The following IRF5 variants were observed in gnomAD, a reference collection of about 807,000 sequenced individuals.
IRF5 encodes the protein interferon regulatory factor 5.
Under a neutral mutation model 55.1 loss-of-function variants are expected in IRF5, and 24 were observed. The ratio of observed to expected loss-of-function variants is 0.44; its 90% CI spans 0.32 to 0.61. IRF5 has a LOEUF of 0.61. Among genes scored for constraint, IRF5 ranks in the 20% least tolerant of loss-of-function variants. The pLI, the probability that IRF5 is intolerant of heterozygous loss-of-function variation, is 0.07. For synonymous variants in IRF5, 258 were observed against 260.2 expected, an observed-to-expected ratio of 0.99 and a Z score of 0.08; for missense variants, 499 against 658.5, an observed-to-expected ratio of 0.76 and a Z score of 2.65.
At position 128,943,023 on chromosome 7, in the gene IRF5, A is replaced by ATTTTTTTTTTTTTTTTT. The variant is rs34539872; in HGVS notation, c.195+759_195+775dup. On this transcript the variant is annotated intron_variant, in intron 2 of 8. Coordinates refer to ENST00000357234, the MANE Select transcript of IRF5 (RefSeq NM_001098629.3). ...GCCTCACACTGTTGACCAGATTCCA[A>ATTTTTTTTTTTTTTTTT]TTTTTTTTTTTTTTTTTTTTTTTTT... is the stretch of plus-strand genomic sequence containing the variant. 2 of 86,902 alleles carry ATTTTTTTTTTTTTTTTT rather than the reference A, an allele frequency of 2.3e-5. 1 individual carries two copies. Among genetic ancestry groups the ATTTTTTTTTTTTTTTTT allele is most frequent in the African/African-American group, 1.1e-4 (2 of 18,320 alleles). 5.4% of individuals were successfully genotyped at this position (86,902 alleles called of 1,614,324 possible). A position where few individuals can be genotyped will look rare whatever the true frequency, so the allele number is the denominator to read the frequency against.
In IRF5 at chr7:128,948,786, C is replaced by A; in HGVS notation, c.1513C>A (p.Pro505Thr). 6.2e-7 allele frequency: 1 copy of A among 1,607,768 alleles called. No individual in the cohort carries two copies. The highest frequency in any genetic ancestry group is 2.2e-5 in the East Asian group (1 of 44,880). ...PGAGLGVGQG[P>T]WPMHPAGMQ is the part of the protein sequence containing the mutation. ...AGCAGGCCTTGGTGTTGGCCAGGGG[C>A]CCTGGCCTATGCACCCAGCTGGCAT... Residue 505 changes from proline to threonine, a missense_variant, in exon 9 of 9, where the codon CCC becomes ACC. Coordinates refer to ENST00000357234, the MANE Select transcript of IRF5 (RefSeq NM_001098629.3). The surrounding 1 kb of genome is among the most constrained non-coding windows in gnomAD (Gnocchi z 4.6).
Position 128,947,312 on chromosome 7 carries a change from CACTCTGCGGCCGCCT to C in IRF5, c.572_586del (p.Arg191_Leu195del), listed in dbSNP as rs745610149. On this transcript the variant is annotated inframe_deletion, in exon 6 of 9. Transcript: ENST00000357234. This position sits in a 1 kb window ranked among gnomAD's most constrained non-coding sequence, Gnocchi z 6.5. ...AGTGGCCGCCCACTCTGCAGCCGCC[CACTCTGCGGCCGCCT>C]ACTCTGCAGCCGCCCACTCTGCAGC... The C allele has an allele frequency of 2.3e-4, 94 of 414,114 alleles. 1 individual carries two copies. Among genetic ancestry groups the C allele is most frequent in the Middle Eastern group, 1.2e-3 (2 of 1,602 alleles). 25.7% of individuals were successfully genotyped at this position (414,114 alleles called of 1,614,324 possible).
rs760492792 is a variant in IRF5 at position 128,942,112 on chromosome 7, C to T, written c.31C>T (p.Pro11Ser). 2 of 1,611,144 alleles carry T rather than the reference C, an allele frequency of 1.2e-6. No homozygotes were observed. The highest frequency in any genetic ancestry group is 4.5e-5 in the East Asian group (2 of 44,856). Residue 11 changes from proline (P) to serine (S), a missense_variant, in exon 2 of 9, where the codon CCA (proline) becomes TCA (serine). This residue lies in a region of IRF5 where 305 missense variants were observed against 340.2 expected (regional missense o/e 0.90). Transcript: ENST00000357234. ...CCAGTCCATCCCAGTGGCTCCCACC[C>T]CACCCCGCCGCGTGCGGCTGAAGCC... The part of the protein sequence containing the change: MNQSIPVAPT[P>S]PRRVRLKPWL...
At position 128,946,744 on chromosome 7, in the gene IRF5, A is replaced by C. The variant is rs1372566108; in HGVS notation, c.447+182A>C. 2 of 634,842 alleles carry C rather than the reference A, an allele frequency of 3.2e-6. No individual in the cohort carries two copies. Among genetic ancestry groups the C allele is most frequent in the Non-Finnish European group, 5.6e-6 (2 of 356,668 alleles). 39.3% of individuals were successfully genotyped at this position (634,842 alleles called of 1,614,324 possible). A position where few individuals can be genotyped will look rare whatever the true frequency, so the allele number is the denominator to read the frequency against. ...GTCCCCACCTGCTCCTTCCCAGGGC[A>C]TTGTCATTACCCTGTGTGTGTGACC... On this transcript the variant is annotated intron_variant, in intron 4 of 8. Coordinates refer to ENST00000357234, the MANE Select transcript of IRF5 (RefSeq NM_001098629.3). This position sits in a 1 kb window ranked among gnomAD's most constrained non-coding sequence, Gnocchi z 4.2.
rs374100066 is a variant in IRF5, at chr7:128,942,115, C to T, written c.34C>T (p.Pro12Ser). Residue 12 changes from proline (P) to serine (S), a missense_variant, in exon 2 of 9, where the codon CCC becomes TCC. Pro to Ser is a moderately conservative substitution (Grantham distance 74). Around this residue, in one of 2 missense-constraint regions of IRF5, gnomAD observed 305 missense variants for 340.2 expected, o/e 0.90. Transcript: ENST00000357234. The stretch of plus-strand genomic sequence containing the variant: ...GTCCATCCCAGTGGCTCCCACCCCA[C>T]CCCGCCGCGTGCGGCTGAAGCCCTG... ...NQSIPVAPTP[P>S]RRVRLKPWLV... 1.9e-6 allele frequency: 3 copies of T among 1,611,408 alleles called. No individual in the cohort carries two copies. The highest frequency in any genetic ancestry group is 1.3e-5 in the African/African-American group (1 of 74,900).
At position 128,946,714 on chromosome 7, in the gene IRF5, G is replaced by A; in HGVS notation, c.447+152G>A. The A allele has an allele frequency of 3.0e-6, 2 of 657,686 alleles. No individual in the cohort carries two copies. Among genetic ancestry groups the A allele is most frequent in the South Asian group, 1.8e-5 (1 of 56,230 alleles). 40.7% of individuals were successfully genotyped at this position (657,686 alleles called of 1,614,324 possible). Reference sequence around the variant, plus strand: ...TCTCCTGGGATTCTGAACGATAGGAGCACAGTCCCCACCTGCTCCTTCCCA... The same window carrying A: ...TCTCCTGGGATTCTGAACGATAGGAACACAGTCCCCACCTGCTCCTTCCCA... On this transcript the variant is annotated intron_variant, in intron 4 of 8. Transcript: ENST00000357234. The surrounding 1 kb of genome is among the most constrained non-coding windows in gnomAD (Gnocchi z 4.2).
rs186700712 is a variant in IRF5 at position 128,946,650 on chromosome 7, T to C, written c.447+88T>C. On this transcript the variant is annotated intron_variant, in intron 4 of 8. Transcript: ENST00000357234. This position sits in a 1 kb window ranked among gnomAD's most constrained non-coding sequence, Gnocchi z 4.2. Reference sequence around the variant, plus strand: ...TTAGGTTTCCGCAGCCCCACTCCCATGGAGCCCCGTGGCCCTCTCAATAGT... The same window carrying C: ...TTAGGTTTCCGCAGCCCCACTCCCACGGAGCCCCGTGGCCCTCTCAATAGT... 478 of 836,280 alleles carry C rather than the reference T, an allele frequency of 5.7e-4. 2 individuals carry two copies. In the African/African-American group the frequency reaches 7.6e-3, roughly 13 times the overall value. 51.8% of individuals were successfully genotyped at this position (836,280 alleles called of 1,614,324 possible). A position where few individuals can be genotyped will look rare whatever the true frequency, so the allele number is the denominator to read the frequency against.
chr7:128,948,956 A>C lies in IRF5; in HGVS notation c.*138A>C. The C allele has an allele frequency of 9.3e-7, 1 of 1,070,898 alleles. No individual in the cohort carries two copies. The highest frequency in any genetic ancestry group is 2.7e-5 in the Admixed American group (1 of 36,722). The allele number at this position is 1,070,898 out of a possible 1,614,324, so 66.3% of individuals were successfully genotyped here. A position where few individuals can be genotyped will look rare whatever the true frequency, so the allele number is the denominator to read the frequency against. On this transcript the variant is annotated 3_prime_UTR_variant, in exon 9 of 9. Coordinates refer to ENST00000357234, the MANE Select transcript of IRF5 (RefSeq NM_001098629.3). This position sits in a 1 kb window ranked among gnomAD's most constrained non-coding sequence, Gnocchi z 4.6. ...TTCCTGGAAGTGGATTTGGGCCAAGAAGGAGAGGGAGAAAGGCCCGAGCCC... is the reference window on the plus strand; with the variant it reads ...TTCCTGGAAGTGGATTTGGGCCAAGCAGGAGAGGGAGAAAGGCCCGAGCCC...
chr7:128,942,127 C>A lies in IRF5; in HGVS notation c.46C>A (p.Arg16=), dbSNP rs757578104. ...PVAPTPPRRV[R]LKPWLVAQVN... is the part of the protein sequence containing the mutation. ...GGCTCCCACCCCACCCCGCCGCGTGCGGCTGAAGCCCTGGCTGGTGGCCCA... is the reference window on the plus strand; with the variant it reads ...GGCTCCCACCCCACCCCGCCGCGTGAGGCTGAAGCCCTGGCTGGTGGCCCA... The change falls in exon 2 of 9, where the codon CGG becomes AGG. Residue 16 remains arginine (R), a synonymous_variant. Coordinates refer to ENST00000357234, the MANE Select transcript of IRF5 (RefSeq NM_001098629.3). 2 of 1,612,764 alleles carry A rather than the reference C, an allele frequency of 1.2e-6. No individual in the cohort carries two copies. Among genetic ancestry groups the A allele is most frequent in the Non-Finnish European group, 1.7e-6 (2 of 1,179,608 alleles).
At position 128,948,753 on chromosome 7, in the gene IRF5, C is replaced by T. The variant is rs772876537; in HGVS notation, c.1480C>T (p.Pro494Ser). Residue 494 changes from proline to serine, a missense_variant, in exon 9 of 9, where the codon CCT becomes TCT. Transcript: ENST00000357234. This position sits in a 1 kb window ranked among gnomAD's most constrained non-coding sequence, Gnocchi z 4.6. The part of the protein sequence containing the change: ...QQRLQPVAQA[P>S]PGAGLGVGQG... ...GCGGTTGCAGCCTGTGGCCCAGGCC[C>T]CTCCTGGAGCAGGCCTTGGTGTTGG... The T allele has an allele frequency of 6.2e-7, 1 of 1,612,508 alleles. No individual in the cohort carries two copies. Among genetic ancestry groups the T allele is most frequent in the Non-Finnish European group, 8.5e-7 (1 of 1,180,030 alleles).
At position 128,946,616 on chromosome 7, in the gene IRF5, C is replaced by T. The variant is rs766371118; in HGVS notation, c.447+54C>T. On this transcript the variant is annotated intron_variant, in intron 4 of 8. Transcript: ENST00000357234. The surrounding 1 kb of genome is among the most constrained non-coding windows in gnomAD (Gnocchi z 4.2). ...GCCCTGGACGAGCTCTCTGCTGTCC[C>T]CATCGGCCTTAGGTTTCCGCAGCCC... 1 of 1,254,276 alleles carries T rather than the reference C, an allele frequency of 8.0e-7. No individual in the cohort carries two copies. Among genetic ancestry groups the T allele is most frequent in the Non-Finnish European group, 1.1e-6 (1 of 877,154 alleles). 77.7% of individuals were successfully genotyped at this position (1,254,276 alleles called of 1,614,324 possible). A position where few individuals can be genotyped will look rare whatever the true frequency, so the allele number is the denominator to read the frequency against.
In IRF5 at chr7:128,948,161, C is replaced by T; in HGVS notation, c.1180+40C>T. ...CTGTGATCCTCCTGGCTGCCTCTTG[C>T]CCAGGGCATGGTTCCAGCCTCTGAC... On this transcript the variant is annotated intron_variant, in intron 7 of 8. Transcript: ENST00000357234. This position sits in a 1 kb window ranked among gnomAD's most constrained non-coding sequence, Gnocchi z 4.6. 1 of 1,611,424 alleles carries T rather than the reference C, an allele frequency of 6.2e-7. No homozygotes were observed.
chr7:128,942,132 G>A lies in IRF5; in HGVS notation c.51G>A (p.Leu17=). 1 of 1,613,230 alleles carries A rather than the reference G, an allele frequency of 6.2e-7. No homozygotes were observed. The highest frequency in any genetic ancestry group is 1.1e-5 in the South Asian group (1 of 91,030). Residue 17 remains leucine (L), a synonymous_variant, in exon 2 of 9, where the codon CTG becomes CTA. Coordinates refer to ENST00000357234, the MANE Select transcript of IRF5 (RefSeq NM_001098629.3). ...CCACCCCACCCCGCCGCGTGCGGCT[G>A]AAGCCCTGGCTGGTGGCCCAGGTGA... ...VAPTPPRRVR[L]KPWLVAQVNS...
chr7:128,942,856 A>C lies in IRF5; in HGVS notation c.195+580A>C, dbSNP rs1250776300. 2.0e-4 allele frequency among the ~76,000 whole-genome samples: 30 copies of C among 152,192 alleles called. 1 individual carries two copies. The highest frequency in any genetic ancestry group is 1.5e-5 in the Non-Finnish European group (1 of 68,004). ...CAGTGGTGATTTGATAAGCACAGTG[A>C]TCAGATCAGGTACTTAGCATATCCA... is the stretch of plus-strand genomic sequence containing the variant. On this transcript the variant is annotated intron_variant, in intron 2 of 8. Transcript: ENST00000357234.
In IRF5 at chr7:128,946,106, G is replaced by T. The variant is rs1796287467; in HGVS notation, c.385+72G>T. 10 of 1,427,918 alleles carry T rather than the reference G, an allele frequency of 7.0e-6. No individual in the cohort carries two copies. Among genetic ancestry groups the T allele is most frequent in the Middle Eastern group, 3.8e-4 (2 of 5,224 alleles). The allele number at this position is 1,427,918 out of a possible 1,614,324, so 88.5% of individuals were successfully genotyped here. On this transcript the variant is annotated intron_variant, in intron 3 of 8. Coordinates refer to ENST00000357234, the MANE Select transcript of IRF5 (RefSeq NM_001098629.3). The surrounding 1 kb of genome is among the most constrained non-coding windows in gnomAD (Gnocchi z 4.2). ...TCCTGGCCCCCAGCCATGAGCTCTTGGGTGCAGGCAGGCCAAGGGCCCCTC... is the reference window on the plus strand; with the variant it reads ...TCCTGGCCCCCAGCCATGAGCTCTTTGGTGCAGGCAGGCCAAGGGCCCCTC...
intron 1 of IRF5, chr7:128,940,956 C>T (rs530157144): frequency 2.0e-5 from 3 of 152,570 alleles, no homozygotes; most frequent in African/African-American, 7.2e-5. Flanking sequence ...GAGTTCAGCT[C>T]GAACGTTTGC....
intron 2 of IRF5, 135 bp downstream of exon 2, chr7:128,942,411 C>T (rs1722983666): frequency 2.9e-6 from 2 of 696,460 alleles, no homozygotes; most frequent in East Asian, 2.9e-5. Flanking sequence ...ATGCCGGGCC[C>T]GGACTAAGGG....
chr7:128,937,310 G>C (rs1270164684), upstream of IRF5, among the ~76,000 whole-genome samples: 3 of 152,206 alleles, frequency 2.0e-5, no homozygotes, highest in Non-Finnish European at 1.5e-5. Flanking sequence ...TTATGGAATC[G>C]AAAACGGTTC....
At position 128,942,068 on chromosome 7, in the gene IRF5, C is replaced by T. The variant is rs768089718; in HGVS notation, c.-11-3C>T. The stretch of plus-strand genomic sequence containing the variant: ...GAGGCTCCCCTCTGGCTTTCTCCTG[C>T]AGACCCCTCTGCCATGAACCAGTCC... On this transcript the variant is annotated splice_polypyrimidine_tract_variant and splice_region_variant and intron_variant, in intron 1 of 8. Coordinates refer to ENST00000357234, the MANE Select transcript of IRF5 (RefSeq NM_001098629.3). The T allele has an allele frequency of 1.9e-6, 3 of 1,589,094 alleles. No individual in the cohort carries two copies. Among genetic ancestry groups the T allele is most frequent in the Non-Finnish European group, 2.6e-6 (3 of 1,166,774 alleles).
Sources: allele counts gnomAD v4.1 joint callset (sites outside exome capture counted in the v4.1 genomes callset), GRCh38; gene constraint gnomAD v4.1.1; regional missense constraint gnomAD v4.1.1; non-coding constraint Gnocchi (gnomAD v3.1); transcripts MANE v1.5; gene names NCBI Gene and HGNC (gene_info 2026-07-23, HGNC 2026-07-21).